The following SORCS2 variants were observed in gnomAD, a reference collection of about 807,000 sequenced individuals.
SORCS2 encodes the protein sortilin related VPS10 domain containing receptor 2.
In SORCS2, 100 loss-of-function variants were observed where a neutral mutation model predicts 141.6. The ratio of observed to expected loss-of-function variants is 0.71; its 90% CI spans 0.60 to 0.83. The LOEUF is 0.83. SORCS2 is among the 40% of genes least tolerant of loss of function. The pLI is 0.00. For missense variants in SORCS2, 1,646 were observed against 1,560.2 expected, an observed-to-expected ratio of 1.05 and a Z score of -0.93; for synonymous variants, 789 against 676.9, an observed-to-expected ratio of 1.17 and a Z score of -2.57.
rs900846313 is a variant in SORCS2 at position 7,250,480 on chromosome 4, A to C, written c.480+57354A>C. Among the ~76,000 whole-genome samples the C allele has an allele frequency of 2.6e-5, 4 of 152,252 alleles. 1 individual carries two copies. Among genetic ancestry groups the C allele is most frequent in the Non-Finnish European group, 5.9e-5 (4 of 68,044 alleles). ...CGTTGTGAGTATTAATAAAAACAACATGCATTTTTGTATGTTTCCATAGAG... is the reference window on the plus strand; with the variant it reads ...CGTTGTGAGTATTAATAAAAACAACCTGCATTTTTGTATGTTTCCATAGAG... On this transcript the variant is annotated intron_variant, in intron 1 of 26. Coordinates refer to ENST00000507866, the MANE Select transcript of SORCS2 (RefSeq NM_020777.3).
chr4:7,269,618 C>T (rs917280452), intron 1 of SORCS2, among the ~76,000 whole-genome samples: 35 of 152,268 alleles, frequency 2.3e-4, no homozygotes, highest in African/African-American at 7.5e-4. Context: ...CAGATCAGAG[C>T]GATGTATCCC....
intron 3 of SORCS2, among the ~76,000 whole-genome samples, chr4:7,627,936 A>G (rs1444809179): frequency 1.3e-5 from 2 of 152,256 alleles, no homozygotes; most frequent in Non-Finnish European, 2.9e-5. Flanking sequence ...CTTGAGAAAC[A>G]GCTGCCAATT....
chr4:7,549,673 G>A (rs1327406312), intron 3 of SORCS2, among the ~76,000 whole-genome samples: 1 of 152,256 alleles, frequency 6.6e-6, no homozygotes, highest in Non-Finnish European at 1.5e-5. Context: ...CAAGCACATA[G>A]TTGGTGCTCA....
At chr4:7,370,782 G>T (rs2878612) in intron 1 of SORCS2, among the ~76,000 whole-genome samples, 80,780 of 152,012 alleles carry the variant, frequency 0.53, 21,979 homozygotes, top group Non-Finnish European at 0.6. Context: ...CCCTTTACTG[G>T]TCCTCTCTGG....
Position 7,648,199 on chromosome 4 carries a change from AGG to A in SORCS2, c.814-5934_814-5933del, listed in dbSNP as rs1721204078. Among the ~76,000 whole-genome samples, 3 of 151,796 alleles carry A rather than the reference AGG, an allele frequency of 2.0e-5. No individual in the cohort carries two copies. The highest frequency in any genetic ancestry group is 2.9e-5 in the Non-Finnish European group (2 of 67,936). Reference sequence around the variant, plus strand: ...TTTACTGAGACCGCAGAGGAGGAGGAGGAGGAGGAGGAGGAAGACACGGAGGC... The same window carrying A: ...TTTACTGAGACCGCAGAGGAGGAGGAAGGAGGAGGAGGAAGACACGGAGGC... On this transcript the variant is annotated intron_variant, in intron 4 of 26. Transcript: ENST00000507866. The surrounding 1 kb of genome is among the most constrained non-coding windows in gnomAD (Gnocchi z 4.2).
At chr4:7,503,475 G>A (rs1732094963) in intron 2 of SORCS2, among the ~76,000 whole-genome samples, 1 of 150,246 alleles carries the variant, frequency 6.7e-6, no homozygotes. Context: ...CAGAGACGGA[G>A]ACATAGAGGG....
chr4:7,249,125 C>T (rs1173758937), intron 1 of SORCS2, among the ~76,000 whole-genome samples: 1 of 152,198 alleles, frequency 6.6e-6, no homozygotes, highest in Non-Finnish European at 1.5e-5. Flanking sequence ...TATGGGTTAA[C>T]TGGATCCCCT....
chr4:7,739,242 C>T (rs1011968000), intron 26 of SORCS2, among the ~76,000 whole-genome samples: 4 of 152,140 alleles, frequency 2.6e-5, no homozygotes, highest in Non-Finnish European at 4.4e-5. Context: ...CGCGGGTGAG[C>T]GTCCTACAAC....
At chr4:7,725,069 T>A in intron 19 of SORCS2, 85 bp from the exon 20 acceptor site, 1 of 1,446,966 alleles carries the variant, frequency 6.9e-7, no homozygotes. Flanking sequence ...GCAATGAAGT[T>A]GCTGGTGACA....
At chr4:7,592,608 C>G (rs372426963) in intron 3 of SORCS2, among the ~76,000 whole-genome samples, 2 of 152,210 alleles carry the variant, frequency 1.3e-5, no homozygotes. Context: ...GGTCTCTCCC[C>G]GTCTCAACAA....
chr4:7,292,235 A>G (rs1021461166), intron 1 of SORCS2, among the ~76,000 whole-genome samples: 5 of 151,546 alleles, frequency 3.3e-5, no homozygotes, highest in African/African-American at 1.2e-4. Flanking sequence ...CAGTCCGTTC[A>G]CCAAGGAGGC....
At position 7,431,004 on chromosome 4, in the gene SORCS2, G is replaced by C. The variant is rs577325686; in HGVS notation, c.548+34649G>C. The stretch of plus-strand genomic sequence containing the variant: ...ACTTGCAGAGCACCTCCTGTGTTCC[G>C]GGCTTGGTTCCGGGCACAGGGGATG... On this transcript the variant is annotated intron_variant, in intron 2 of 26. Transcript: ENST00000507866. 2.0e-5 allele frequency: 3 copies of C among 152,428 alleles called. No individual in the cohort carries two copies. In the South Asian group the frequency reaches 6.2e-4, roughly 32 times the overall value. The allele number at this position is 152,428 out of a possible 1,614,324, so 9.4% of individuals were successfully genotyped here.
chr4:7,665,963 G>A (rs2189369), intron 7 of SORCS2, among the ~76,000 whole-genome samples: 9 of 152,184 alleles, frequency 5.9e-5, no homozygotes, highest in Non-Finnish European at 1.2e-4. Context: ...ATCTCAGAGA[G>A]GTTAGGAGGG....
chr4:7,207,583 T>C (rs191706903), intron 1 of SORCS2, among the ~76,000 whole-genome samples: 308 of 152,308 alleles, frequency 2.0e-3, no homozygotes, highest in Non-Finnish European at 2.2e-3. Flanking sequence ...TCCCTCCTTA[T>C]GGCACATATA....
chr4:7,640,426 G>A (rs1441449031), intron 4 of SORCS2, among the ~76,000 whole-genome samples: 6 of 134,232 alleles, frequency 4.5e-5, no homozygotes, highest in Non-Finnish European at 8.4e-5. Context: ...GTGTGATCGT[G>A]TGTGTGAGTC....
chr4:7,403,557 G>A lies in SORCS2; in HGVS notation c.548+7202G>A, dbSNP rs184001602. Among the ~76,000 whole-genome samples the A allele has an allele frequency of 2.6e-5, 4 of 152,206 alleles. No homozygotes were observed. In the East Asian group the frequency reaches 7.7e-4, roughly 29 times the overall value. The stretch of plus-strand genomic sequence containing the variant: ...ATTTAAGGTATTTCAAGTAATAGCT[G>A]ATTCCAGAGAATACATATGGTGTGG... On this transcript the variant is annotated intron_variant, in intron 2 of 26. Transcript: ENST00000507866.
chr4:7,382,058 A>C, intron 1 of SORCS2: 1 of 876,698 alleles, frequency 1.1e-6, no homozygotes, highest in Non-Finnish European at 1.4e-6. Context: ...CGTTCGGGAA[A>C]GGCCCAGGCA....
chr4:7,624,621 T>A (rs1186738150), intron 3 of SORCS2, among the ~76,000 whole-genome samples: 5 of 152,216 alleles, frequency 3.3e-5, no homozygotes, highest in Admixed American at 3.3e-4. Flanking sequence ...GCTACTGAGA[T>A]ACATTCCCTT....
rs780968440 is a variant in SORCS2, at chr4:7,715,199, C to T, written c.2140C>T (p.Arg714Cys). ...SDFLCDYGFERSSSSESSTNK... is the reference protein window; with the variant it reads ...SDFLCDYGFECSSSSESSTNK... ...TCCTCCCAGCGACTACGGATTTGAG[C>T]GCTCCTCCTCCTCAGAGTCCAGCAC... The change falls in exon 17 of 27, where the codon CGC becomes TGC. Residue 714 changes from arginine to cysteine, a missense_variant. By Grantham distance (180) the Arg-to-Cys change is radical. Transcript: ENST00000507866. 9 of 1,613,828 alleles carry T rather than the reference C, an allele frequency of 5.6e-6. No individual in the cohort carries two copies. Among genetic ancestry groups the T allele is most frequent in the African/African-American group, 2.7e-5 (2 of 74,926 alleles).
Sources: gnomAD v4.1 joint callset for allele counts (sites outside exome capture counted in the v4.1 genomes callset) on GRCh38, gnomAD v4.1.1 for gene constraint, Gnocchi (gnomAD v3.1) non-coding constraint, MANE v1.5 for transcripts, NCBI Gene and HGNC (gene_info 2026-07-23, HGNC 2026-07-21) for gene names.